Variants in SATB2 observed in about 807,000 individuals in gnomAD.
SATB2 encodes the protein SATB homeobox 2.
SATB2 carries 1 observed loss-of-function variant against 73.4 expected under a neutral mutation model. The observed-to-expected ratio is 0.01, with a 90% CI of 0.00 to 0.06. The LOEUF is 0.06. SATB2 is among the 10% of genes least tolerant of loss of function. The pLI, the probability that SATB2 is intolerant of heterozygous loss-of-function variation, is 1.00. For missense variants in SATB2, 459 were observed against 945.8 expected (o/e 0.49, Z 6.75); for synonymous variants, 397 against 367.0 (o/e 1.08, Z -0.93).
At chr2:199,356,790 A>G (rs1688998221) in intron 6 of SATB2, among the ~76,000 whole-genome samples, 1 of 152,114 alleles carries the variant, frequency 6.6e-6, no homozygotes, top group Admixed American at 6.6e-5. Context: ...AAGAATTTTC[A>G]TATTTTTACT....
rs1240994988 is a variant in SATB2, at chr2:199,329,276, T to C, written c.1174-366A>G. ...TCTCTCTGCTTGAAACTGGGAACAC[T>C]TGGCAGTCCTGCTTAGCTTTACAAA... On this transcript the variant is annotated intron_variant, in intron 7 of 10. Transcript: ENST00000417098. 1.5e-5 allele frequency: 4 copies of C among 273,602 alleles called. No individual in the cohort carries two copies. In the Admixed American group the frequency reaches 1.8e-4, roughly 12 times the overall value. The allele number at this position is 273,602 out of a possible 1,614,324, so 16.9% of individuals were successfully genotyped here. A position where few individuals can be genotyped will look rare whatever the true frequency, so the allele number is the denominator to read the frequency against.
intron 3 of SATB2, among the ~76,000 whole-genome samples, chr2:199,422,949 A>G (rs1317793067): frequency 6.6e-6 from 1 of 152,212 alleles, no homozygotes. Context: ...ATCCTATTCC[A>G]AACATGAGTT....
At chr2:199,371,646 T>C (rs1419032197) in intron 5 of SATB2, among the ~76,000 whole-genome samples, 2 of 152,178 alleles carry the variant, frequency 1.3e-5, no homozygotes, top group Non-Finnish European at 2.9e-5. Flanking sequence ...TTAAAATACA[T>C]ATAATTTTGC....
intron 5 of SATB2, among the ~76,000 whole-genome samples, chr2:199,371,322 T>C (rs1251969233): frequency 1.3e-5 from 2 of 152,168 alleles, no homozygotes; most frequent in Admixed American, 6.5e-5. Flanking sequence ...TTGATGTTAG[T>C]GTCCATTAAA....
chr2:199,285,070 A>G (rs1692646195), intron 10 of SATB2, among the ~76,000 whole-genome samples: 1 of 152,184 alleles, frequency 6.6e-6, no homozygotes, highest in African/African-American at 2.4e-5. Flanking sequence ...TGTATTATCT[A>G]TAATTATTTT....
chr2:199,300,719 T>G (rs1414291405), intron 10 of SATB2, among the ~76,000 whole-genome samples: 1 of 152,112 alleles, frequency 6.6e-6, no homozygotes, highest in Non-Finnish European at 1.5e-5. Context: ...TGCAGGAATT[T>G]CATTGCCCTT....
intron 6 of SATB2, among the ~76,000 whole-genome samples, chr2:199,367,622 T>C (rs1251934801): frequency 6.6e-6 from 1 of 152,110 alleles, no homozygotes; most frequent in African/African-American, 2.4e-5. Flanking sequence ...TAAATTGTCA[T>C]TTGCCCCTCC....
chr2:199,402,424 G>A (rs1037110812), intron 3 of SATB2, among the ~76,000 whole-genome samples: 2 of 152,078 alleles, frequency 1.3e-5, no homozygotes, highest in African/African-American at 4.8e-5. Flanking sequence ...CAGGCATGGT[G>A]GCAGGTACCT....
intron 8 of SATB2, among the ~76,000 whole-genome samples, chr2:199,325,802 A>G (rs1688012744): frequency 6.6e-6 from 1 of 152,110 alleles, no homozygotes; most frequent in Non-Finnish European, 1.5e-5. Context: ...AATACCATAA[A>G]ATGGTGACAA....
intron 9 of SATB2, among the ~76,000 whole-genome samples, chr2:199,322,782 T>C (rs1173070281): frequency 6.6e-6 from 1 of 152,174 alleles, no homozygotes; most frequent in Non-Finnish European, 1.5e-5. Flanking sequence ...TTAATTTTTA[T>C]TGAAAACCTT....
chr2:199,458,616 G>C (rs770146777), upstream of SATB2: 4 of 436,498 alleles, frequency 9.2e-6, no homozygotes, highest in South Asian at 6.4e-5. Context: ...CGGCGACAAG[G>C]CAGTCGCTGG....
chr2:199,280,032 T>C (rs764103236), intron 10 of SATB2, among the ~76,000 whole-genome samples: 58 of 152,116 alleles, frequency 3.8e-4, no homozygotes, highest in Admixed American at 3.7e-3. Context: ...TCCCAGCTAC[T>C]TGGGTGTTGC....
upstream of SATB2, chr2:199,468,927 T>G (rs929858201): frequency 2.6e-5 from 4 of 152,342 alleles, no homozygotes; most frequent in Non-Finnish European, 5.9e-5. Flanking sequence ...CTGGTAAGTT[T>G]CAGACAAGTG....
At chr2:199,461,002 G>GAA (rs925093895), upstream of SATB2, among the ~76,000 whole-genome samples, 6 of 151,960 alleles carry the variant, frequency 3.9e-5, no homozygotes, top group Admixed American at 1.3e-4. Flanking sequence ...TTCTGATACT[G>GAA]AAAAAAATCT....
intron 9 of SATB2, among the ~76,000 whole-genome samples, chr2:199,322,038 G>A (rs1693219341): frequency 6.6e-6 from 1 of 152,136 alleles, no homozygotes; most frequent in Admixed American, 6.5e-5. Context: ...TCTGCCAGTT[G>A]GCAAAAGCAG....
chr2:199,458,477 C>T (rs952855773), upstream of SATB2: 4 of 390,984 alleles, frequency 1.0e-5, no homozygotes, highest in East Asian at 1.3e-4. Flanking sequence ...GTGGCCGCGG[C>T]CAGCGGGTGG....
At chr2:199,406,773 G>GA (rs964414467) in intron 3 of SATB2, among the ~76,000 whole-genome samples, 29 of 149,292 alleles carry the variant, frequency 1.9e-4, no homozygotes, top group Admixed American at 4.0e-4. Context: ...CTGAAAAGCT[G>GA]AAAAAAAAAT....
intron 2 of SATB2, among the ~76,000 whole-genome samples, chr2:199,438,095 T>A (rs1297944114): frequency 6.6e-6 from 1 of 152,176 alleles, no homozygotes; most frequent in Non-Finnish European, 1.5e-5. Context: ...TTTAATGACT[T>A]AATAACAAAA....
At chr2:199,285,957 G>A (rs1574471876) in intron 10 of SATB2, among the ~76,000 whole-genome samples, 1 of 129,832 alleles carries the variant, frequency 7.7e-6, no homozygotes, top group Non-Finnish European at 1.6e-5. Context: ...TTTAATAATT[G>A]TTTCTCAAAA....
Sources: gnomAD v4.1 joint callset for allele counts (sites outside exome capture counted in the v4.1 genomes callset) on GRCh38, gnomAD v4.1.1 for gene constraint, MANE v1.5 for transcripts, NCBI Gene and HGNC (gene_info 2026-07-23, HGNC 2026-07-21) for gene names.